ADCK1: variants seen among roughly 807,000 people sequenced by gnomAD.
The protein encoded by ADCK1 is aarF domain containing kinase 1.
ADCK1 carries 41 observed loss-of-function variants against 52.3 expected under a neutral mutation model. The ratio of observed to expected loss-of-function variants is 0.78; its 90% CI spans 0.61 to 1.02. ADCK1 has a LOEUF of 1.02. ADCK1 is among the 50% of genes least tolerant of loss of function. ADCK1 has a pLI of 0.00. For synonymous variants in ADCK1, 250 were observed against 274.6 expected, an observed-to-expected ratio of 0.91 and a Z score of 0.89; for missense variants, 658 against 679.5, an observed-to-expected ratio of 0.97 and a Z score of 0.35.
At chr14:77,827,822 G>A (rs1257921486) in intron 3 of ADCK1, 3 of 403,490 alleles carry the variant, frequency 7.4e-6, no homozygotes, top group Non-Finnish European at 9.5e-6. Context: ...TATTTTTTTA[G>A]TTTTTAAAAG....
chr14:77,852,658 TAA>T (rs1491541176), intron 3 of ADCK1, among the ~76,000 whole-genome samples: 116 of 12,088 alleles, frequency 9.6e-3, no homozygotes, highest in African/African-American at 0.024. Context: ...TTTAAATAAA[TAA>T]ATATATATAT....
At position 77,899,405 on chromosome 14, in the gene ADCK1, TGATGTGCATTAA is replaced by T. The variant is rs2083481973; in HGVS notation, c.741+148_741+159del. The T allele has an allele frequency of 1.1e-5, 12 of 1,101,484 alleles. No homozygotes were observed. In the South Asian group the frequency reaches 1.9e-4, roughly 18 times the overall value. 68.2% of individuals were successfully genotyped at this position (1,101,484 alleles called of 1,614,324 possible). A position where few individuals can be genotyped will look rare whatever the true frequency, so the allele number is the denominator to read the frequency against. On this transcript the variant is annotated intron_variant, in intron 6 of 10. Transcript: ENST00000238561. ...TACTGAGGATGAATGACATCACTGG[TGATGTGCATTAA>T]ATCACTTGAAGGCAATTTGCAAAGA...
intron 3 of ADCK1, among the ~76,000 whole-genome samples, chr14:77,857,906 A>C (rs567570180): frequency 4.1e-4 from 62 of 152,162 alleles, no homozygotes; most frequent in Non-Finnish European, 7.6e-4. Flanking sequence ...GCATGTGCCC[A>C]TGGCCCCATC....
At chr14:77,901,219 AT>A (rs978180037) in intron 6 of ADCK1, among the ~76,000 whole-genome samples, 114 of 143,036 alleles carry the variant, frequency 8.0e-4, no homozygotes, top group East Asian at 1.6e-3. Flanking sequence ...TAATATTTGT[AT>A]TTTTTTTTTT....
At chr14:77,801,802 C>T (rs561551657) in intron 1 of ADCK1, among the ~76,000 whole-genome samples, 1 of 152,102 alleles carries the variant, frequency 6.6e-6, no homozygotes, top group South Asian at 2.1e-4. Context: ...ATTACCTGGG[C>T]GTAGTGGTGT....
chr14:77,896,990 T>C (rs1180152080), intron 5 of ADCK1, among the ~76,000 whole-genome samples: 1 of 152,226 alleles, frequency 6.6e-6, no homozygotes, highest in Non-Finnish European at 1.5e-5. Context: ...TGGCTTTAGA[T>C]TGATTTCTTT....
intron 4 of ADCK1, among the ~76,000 whole-genome samples, chr14:77,869,430 TC>T (rs2082730057): frequency 6.6e-6 from 1 of 152,200 alleles, no homozygotes; most frequent in Non-Finnish European, 1.5e-5. Context: ...TGGCTCTGTG[TC>T]CAAATTTCCC....
intron 7 of ADCK1, among the ~76,000 whole-genome samples, chr14:77,911,015 A>G (rs1286346489): frequency 6.6e-6 from 1 of 152,212 alleles, no homozygotes; most frequent in African/African-American, 2.4e-5. Flanking sequence ...TCTTGTGGAC[A>G]TGCAGAATGG....
intron 4 of ADCK1, among the ~76,000 whole-genome samples, chr14:77,884,119 G>A (rs17106532): frequency 0.15 from 22,740 of 152,256 alleles, 2,141 homozygotes; most frequent in African/African-American, 0.26. Context: ...CACTGGCTTG[G>A]AGACTGGTTG....
At chr14:77,824,295 A>G (rs1192028828) in intron 3 of ADCK1, among the ~76,000 whole-genome samples, 1 of 152,274 alleles carries the variant, frequency 6.6e-6, no homozygotes, top group African/African-American at 2.4e-5. Context: ...TGCAATAGAT[A>G]AGGACCTTTA....
chr14:77,818,257 T>C (rs75040758), intron 1 of ADCK1, among the ~76,000 whole-genome samples: 6,115 of 151,996 alleles, frequency 0.04, 228 homozygotes, highest in African/African-American at 0.099. Flanking sequence ...TAAAATAACA[T>C]TCTTCCTCTC....
chr14:77,933,211 T>G lies in ADCK1; in HGVS notation c.1401-9T>G, dbSNP rs766575232. 2.0e-5 allele frequency: 32 copies of G among 1,609,480 alleles called. No individual in the cohort carries two copies. The highest frequency in any genetic ancestry group is 2.7e-5 in the Non-Finnish European group (32 of 1,176,422). On this transcript the variant is annotated splice_polypyrimidine_tract_variant and intron_variant, in intron 10 of 10. Transcript: ENST00000238561. ...TCTCTTTTCTCCTTTTTTCTTTCCCTTTTTCCAGGCACAAGAAGAAGAATA... is the reference window on the plus strand; with the variant it reads ...TCTCTTTTCTCCTTTTTTCTTTCCCGTTTTCCAGGCACAAGAAGAAGAATA...
intron 3 of ADCK1, among the ~76,000 whole-genome samples, chr14:77,852,908 T>TATATATATATATATA (rs56338375): frequency 1.9e-3 from 44 of 23,448 alleles, no homozygotes; most frequent in Non-Finnish European, 2.2e-3. Context: ...TATATATATA[T>TATATATATATATATA]TTTTTTTTTT....
intron 1 of ADCK1, among the ~76,000 whole-genome samples, chr14:77,809,340 ATT>A (rs1170093983): frequency 2.0e-5 from 3 of 151,698 alleles, no homozygotes; most frequent in Admixed American, 2.0e-4. Flanking sequence ...AATACAAAAA[ATT>A]TTTTGAGATG....
At position 77,924,532 on chromosome 14, in the gene ADCK1, G is replaced by C; in HGVS notation, c.934G>C (p.Gly312Arg). ...NGFVHCDPHP[G>R]NVLVRKHPGT... ...CTTCGTGCACTGCGATCCCCACCCC[G>C]GCAATGTACTGGTGCGGAAGCACCC... Residue 312 changes from glycine to arginine, a missense_variant, in exon 8 of 11, where the codon GGC becomes CGC. Gly to Arg is a moderately radical substitution (Grantham distance 125). Transcript: ENST00000238561. The C allele has an allele frequency of 1.2e-6, 2 of 1,614,086 alleles. No homozygotes were observed. The highest frequency in any genetic ancestry group is 4.5e-5 in the East Asian group (2 of 44,882).
chr14:77,842,221 G>A (rs1386019800), intron 3 of ADCK1, among the ~76,000 whole-genome samples: 2 of 152,032 alleles, frequency 1.3e-5, no homozygotes, highest in Non-Finnish European at 2.9e-5. Flanking sequence ...TGTAATTTCA[G>A]TGTGCATCTC....
chr14:77,899,037 G>C, intron 5 of ADCK1, 63 bp from the exon 6 acceptor site: 7 of 1,597,170 alleles, frequency 4.4e-6, no homozygotes, highest in Non-Finnish European at 6.0e-6. Context: ...CAGGCAGGAA[G>C]GTAGGGAATG....
At chr14:77,853,616 A>T (rs1566668970) in intron 3 of ADCK1, among the ~76,000 whole-genome samples, 2 of 152,218 alleles carry the variant, frequency 1.3e-5, no homozygotes, top group East Asian at 3.8e-4. Context: ...GGGTGTTGCC[A>T]CAAATGTCCC....
intron 5 of ADCK1, among the ~76,000 whole-genome samples, chr14:77,892,551 C>G (rs2140221924): frequency 6.6e-6 from 1 of 152,074 alleles, no homozygotes; most frequent in Non-Finnish European, 1.5e-5. Flanking sequence ...CTGGCTCGCC[C>G]TCCTGAGCGA....
Sources: gnomAD v4.1 joint callset for allele counts (sites outside exome capture counted in the v4.1 genomes callset) on GRCh38, gnomAD v4.1.1 for gene constraint, MANE v1.5 for transcripts, NCBI Gene and HGNC (gene_info 2026-07-23, HGNC 2026-07-21) for gene names.